Variants in EPHA4 observed in about 807,000 individuals in gnomAD.
EPHA4 encodes EPH receptor A4.
EPHA4 carries 19 observed loss-of-function variants against 108.3 expected under a neutral mutation model. That is an observed-to-expected ratio of 0.18 (90% confidence interval 0.12 to 0.26). The LOEUF is 0.26. Among genes scored for constraint, EPHA4 ranks in the 10% least tolerant of loss-of-function variants. The pLI, the probability that EPHA4 is intolerant of heterozygous loss-of-function variation, is 1.00. For synonymous variants in EPHA4, 449 were observed against 455.5 expected (o/e 0.99, Z 0.18); for missense variants, 917 against 1,254.0 (o/e 0.73, Z 4.06).
intron 4 of EPHA4, among the ~76,000 whole-genome samples, chr2:221,499,708 T>C (rs1294704539): frequency 8.6e-6 from 1 of 115,760 alleles, no homozygotes; most frequent in Non-Finnish European, 1.7e-5. Context: ...TAATGATAAC[T>C]AAAACTAATA....
chr2:221,521,936 C>T (rs1238975299), intron 3 of EPHA4, among the ~76,000 whole-genome samples: 1 of 152,166 alleles, frequency 6.6e-6, no homozygotes, highest in Non-Finnish European at 1.5e-5. Flanking sequence ...AAGATTGTGC[C>T]ACTGCATTCC....
intron 11 of EPHA4, among the ~76,000 whole-genome samples, chr2:221,440,911 G>T (rs1690404251): frequency 6.6e-6 from 1 of 152,170 alleles, no homozygotes; most frequent in Non-Finnish European, 1.5e-5. Flanking sequence ...CTCAAAGCGT[G>T]ATTCCCATAC....
intron 11 of EPHA4, among the ~76,000 whole-genome samples, chr2:221,440,663 A>T (rs1403759864): frequency 6.7e-6 from 1 of 149,446 alleles, no homozygotes; most frequent in Non-Finnish European, 1.5e-5. Context: ...CCTACTTCTT[A>T]AGACATAATA....
chr2:221,509,210 C>T (rs1692730086), intron 3 of EPHA4, among the ~76,000 whole-genome samples: 1 of 152,094 alleles, frequency 6.6e-6, no homozygotes, highest in African/African-American at 2.4e-5. Context: ...TGCCTGTAAT[C>T]CCAGCTATTC....
At chr2:221,424,139 A>AAT (rs1491300554) in intron 17 of EPHA4, among the ~76,000 whole-genome samples, 1 of 121,656 alleles carries the variant, frequency 8.2e-6, no homozygotes, top group African/African-American at 3.0e-5. Context: ...TAATAATAAT[A>AAT]ATTTTTTTTT....
At chr2:221,492,991 C>G (rs190765157) in intron 4 of EPHA4, among the ~76,000 whole-genome samples, 1 of 152,238 alleles carries the variant, frequency 6.6e-6, no homozygotes, top group East Asian at 1.9e-4. Context: ...AAAATATGTT[C>G]ACGAAAATGA....
At chr2:221,549,444 C>T (rs1156530713) in intron 3 of EPHA4, among the ~76,000 whole-genome samples, 1 of 152,180 alleles carries the variant, frequency 6.6e-6, no homozygotes, top group East Asian at 1.9e-4. Flanking sequence ...TCACTCTCCC[C>T]TCTCTCTCTG....
intron 3 of EPHA4, among the ~76,000 whole-genome samples, chr2:221,529,541 A>G (rs1378179965): frequency 6.6e-6 from 1 of 152,222 alleles, no homozygotes; most frequent in Non-Finnish European, 1.5e-5. Flanking sequence ...TGATTATTCT[A>G]CAGACAGAGC....
upstream of EPHA4, chr2:221,572,446 C>A (rs16825430): frequency 0.083 from 35,520 of 428,774 alleles, 2,908 homozygotes; most frequent in East Asian, 0.35. Flanking sequence ...GGGCCCGCCC[C>A]AGGGTTCCGC....
intron 8 of EPHA4, among the ~76,000 whole-genome samples, chr2:221,449,663 G>A (rs987802086): frequency 3.9e-5 from 6 of 152,170 alleles, no homozygotes; most frequent in African/African-American, 7.2e-5. Context: ...CTCAACCAAC[G>A]TGCTGTTCCT....
rs1022778850 is a variant in EPHA4, at chr2:221,430,113, A to G, written c.2535T>C (p.Pro845=). The part of the protein sequence containing the change: ...KAIEEGYRLP[P]PMDCPIALHQ... ...GGAGCGCAATGGGGCAGTCCATTGG[A>G]GGGGGTAACCGATAGCCTTCCTCAA... Residue 845 remains proline, a synonymous_variant, in exon 15 of 18, where the codon CCT becomes CCC. Transcript: ENST00000281821. The G allele has an allele frequency of 4.2e-5, 68 of 1,611,708 alleles. No individual in the cohort carries two copies. The highest frequency in any genetic ancestry group is 5.5e-5 in the Non-Finnish European group (65 of 1,179,396).
intron 17 of EPHA4, among the ~76,000 whole-genome samples, chr2:221,424,174 A>C (rs1689831740): frequency 6.6e-6 from 1 of 151,804 alleles, no homozygotes; most frequent in Non-Finnish European, 1.5e-5. Context: ...AAAAGAAACA[A>C]AAAAGTCCTA....
rs189862559 is a variant in EPHA4, at chr2:221,530,701, A to G, written c.824-29529T>C. 9.3e-4 allele frequency among the ~76,000 whole-genome samples: 141 copies of G among 152,336 alleles called. No individual in the cohort carries two copies. In the Middle Eastern group the frequency reaches 0.014, roughly 15 times the overall value. ...GGTATATGATTTGGGTTTGGGGGAC[A>G]CATGGAATTCTGTTCTCTGGCTCCA... is the stretch of plus-strand genomic sequence containing the variant. On this transcript the variant is annotated intron_variant, in intron 3 of 17. Transcript: ENST00000281821.
At chr2:221,541,489 C>T (rs1193075594) in intron 3 of EPHA4, among the ~76,000 whole-genome samples, 5 of 151,964 alleles carry the variant, frequency 3.3e-5, no homozygotes, top group Non-Finnish European at 5.9e-5. Flanking sequence ...GAGTTACAGC[C>T]GAAGGTGCCA....
intron 3 of EPHA4, among the ~76,000 whole-genome samples, chr2:221,548,939 C>T (rs1047672383): frequency 5.9e-5 from 9 of 152,060 alleles, no homozygotes; most frequent in South Asian, 2.1e-4. Flanking sequence ...CAGGATTTAC[C>T]GCTCAGGGAC....
At chr2:221,540,348 C>T (rs901747787) in intron 3 of EPHA4, among the ~76,000 whole-genome samples, 19 of 152,192 alleles carry the variant, frequency 1.2e-4, no homozygotes, top group Non-Finnish European at 2.6e-4. Flanking sequence ...TGCACTGCAG[C>T]CAGTGAATCA....
Position 221,566,872 on chromosome 2 carries a change from A to AGAAGG in EPHA4, c.159+1845_159+1846insCCTTC, listed in dbSNP as rs1345332620. On this transcript the variant is annotated intron_variant, in intron 2 of 17. Coordinates refer to ENST00000281821, the MANE Select transcript of EPHA4 (RefSeq NM_004438.5). ...GGAGAAGGAGAAGAAGAAGAAGAAG[A>AGAAGG]AGAAGGAGAAGGAGAAGGAGAAGGA... 1.4e-3 allele frequency among the ~76,000 whole-genome samples: 60 copies of AGAAGG among 41,510 alleles called. 2 individuals are homozygous for AGAAGG. The highest frequency in any genetic ancestry group is 4.9e-3 in the African/African-American group (49 of 9,946). The allele number at this position is 41,510 out of a possible 152,430, so 27.2% of individuals were successfully genotyped here. A position where few individuals can be genotyped will look rare whatever the true frequency, so the allele number is the denominator to read the frequency against.
intron 5 of EPHA4, among the ~76,000 whole-genome samples, chr2:221,463,813 A>T (rs188654371): frequency 6.8e-4 from 104 of 152,294 alleles, no homozygotes; most frequent in African/African-American, 2.1e-3. Flanking sequence ...AGATACGGAG[A>T]AAAGAAAGAG....
chr2:221,419,114 A>G lies in EPHA4; in HGVS notation c.*2258T>C, dbSNP rs1483726623. On this transcript the variant is annotated 3_prime_UTR_variant, in exon 18 of 18. Coordinates refer to ENST00000281821, the MANE Select transcript of EPHA4 (RefSeq NM_004438.5). The stretch of plus-strand genomic sequence containing the variant: ...TATATAAATGGCCACGGTTTCTGCA[A>G]CCACAGCTTAGGATAAGCAAGGCAG... The G allele has an allele frequency of 2.0e-5, 3 of 152,638 alleles. No individual in the cohort carries two copies. Among genetic ancestry groups the G allele is most frequent in the Non-Finnish European group, 4.4e-5 (3 of 68,046 alleles). 9.5% of individuals were successfully genotyped at this position (152,638 alleles called of 1,614,324 possible). A position where few individuals can be genotyped will look rare whatever the true frequency, so the allele number is the denominator to read the frequency against.
Sources: allele counts gnomAD v4.1 joint callset (sites outside exome capture counted in the v4.1 genomes callset), GRCh38; gene constraint gnomAD v4.1.1; transcripts MANE v1.5; gene names NCBI Gene and HGNC (gene_info 2026-07-23, HGNC 2026-07-21).